Variants in PTPRM observed in about 807,000 individuals in gnomAD.
PTPRM encodes the protein protein tyrosine phosphatase receptor type M.
PTPRM carries 47 observed loss-of-function variants against 186.7 expected under a neutral mutation model. The ratio of observed to expected loss-of-function variants is 0.25; its 90% CI spans 0.20 to 0.32. The LOEUF is 0.32. Among genes scored for constraint, PTPRM ranks in the 10% least tolerant of loss-of-function variants. PTPRM has a pLI of 1.00. For synonymous variants in PTPRM, 668 were observed against 674.9 expected, an observed-to-expected ratio of 0.99 and a Z score of 0.16; for missense variants, 1,494 against 1,865.0, an observed-to-expected ratio of 0.80 and a Z score of 3.66.
chr18:7,613,276 C>A (rs1241863478), intron 1 of PTPRM, among the ~76,000 whole-genome samples: 1 of 152,204 alleles, frequency 6.6e-6, no homozygotes, highest in African/African-American at 2.4e-5. Flanking sequence ...TCTCTTCTCT[C>A]AGCTACTCCA....
At chr18:7,866,285 TC>T (rs1226673947) in intron 2 of PTPRM, among the ~76,000 whole-genome samples, 1 of 152,228 alleles carries the variant, frequency 6.6e-6, no homozygotes, top group Admixed American at 6.5e-5. Context: ...CGTTAGAGTG[TC>T]CACTTTGGAT....
At chr18:7,719,391 C>G (rs598136) in intron 1 of PTPRM, among the ~76,000 whole-genome samples, 95,475 of 150,336 alleles carry the variant, frequency 0.64, 32,216 homozygotes, top group East Asian at 0.99. Context: ...GGAGGGATGG[C>G]TGGGAGGGTG....
intron 1 of PTPRM, among the ~76,000 whole-genome samples, chr18:7,630,877 A>G (rs2038174702): frequency 6.6e-6 from 1 of 152,070 alleles, no homozygotes; most frequent in Non-Finnish European, 1.5e-5. Context: ...ATGAAGGGGG[A>G]TGGTTGCAGG....
chr18:7,830,245 G>T (rs913241002), intron 2 of PTPRM, among the ~76,000 whole-genome samples: 1 of 152,070 alleles, frequency 6.6e-6, no homozygotes, highest in African/African-American at 2.4e-5. Flanking sequence ...GGAGGAGTGG[G>T]ACACTCCTCA....
intron 23 of PTPRM, 142 bp downstream of exon 23, chr18:8,343,662 ACTTG>A: frequency 1.6e-6 from 1 of 628,956 alleles, no homozygotes; most frequent in East Asian, 3.0e-5. Context: ...TGCTTGCTGC[ACTTG>A]CTTATAAATT....
chr18:7,772,780 C>T (rs747141385), intron 1 of PTPRM, among the ~76,000 whole-genome samples: 9 of 152,064 alleles, frequency 5.9e-5, no homozygotes, highest in Non-Finnish European at 1.2e-4. Context: ...GCCAACAGGA[C>T]ACACATTGTG....
intron 1 of PTPRM, among the ~76,000 whole-genome samples, chr18:7,643,416 T>A (rs2038490462): frequency 6.6e-6 from 1 of 152,194 alleles, no homozygotes; most frequent in South Asian, 2.1e-4. Context: ...CTTGGCTTAC[T>A]GCAAGCTCCC....
intron 7 of PTPRM, among the ~76,000 whole-genome samples, chr18:8,012,247 G>C (rs1237717970): frequency 1.3e-5 from 2 of 152,178 alleles, no homozygotes; most frequent in African/African-American, 4.8e-5. Context: ...TTGGGAAATA[G>C]TACATCTGCT....
intron 13 of PTPRM, among the ~76,000 whole-genome samples, chr18:8,140,611 C>T (rs1174681933): frequency 6.6e-6 from 1 of 151,964 alleles, no homozygotes; most frequent in East Asian, 1.9e-4. Flanking sequence ...GGATTATGCT[C>T]TATGATTTTA....
At chr18:7,683,273 C>G (rs533028938) in intron 1 of PTPRM, among the ~76,000 whole-genome samples, 2 of 151,402 alleles carry the variant, frequency 1.3e-5, no homozygotes, top group East Asian at 2.0e-4. Context: ...TCAAGCCATC[C>G]ATCCTCCCTC....
chr18:8,035,130 A>T (rs2086237300), intron 7 of PTPRM, among the ~76,000 whole-genome samples: 1 of 152,200 alleles, frequency 6.6e-6, no homozygotes, highest in South Asian at 2.1e-4. Context: ...GATAGCCGAG[A>T]ATCTTCCAAA....
intron 1 of PTPRM, among the ~76,000 whole-genome samples, chr18:7,710,754 G>A (rs867102303): frequency 7.9e-5 from 12 of 152,116 alleles, no homozygotes; most frequent in Admixed American, 3.9e-4. Context: ...TAGCAACAAT[G>A]ATCAAGCTGA....
chr18:7,695,039 A>G (rs1188411403), intron 1 of PTPRM, among the ~76,000 whole-genome samples: 1 of 152,130 alleles, frequency 6.6e-6, no homozygotes, highest in Non-Finnish European at 1.5e-5. Flanking sequence ...CCCATTTTGC[A>G]GATGAGGAAA....
intron 2 of PTPRM, among the ~76,000 whole-genome samples, chr18:7,856,168 G>T (rs1389574630): frequency 1.3e-5 from 2 of 151,830 alleles, no homozygotes; most frequent in South Asian, 4.2e-4. Flanking sequence ...TATTTTCCAT[G>T]GGAATGGAAG....
At chr18:7,617,101 T>G (rs961079690) in intron 1 of PTPRM, among the ~76,000 whole-genome samples, 1 of 152,154 alleles carries the variant, frequency 6.6e-6, no homozygotes, top group African/African-American at 2.4e-5. Flanking sequence ...CTCTTTCCAG[T>G]AGAGAATAAT....
At chr18:8,152,131 C>T (rs2017321) in intron 14 of PTPRM, among the ~76,000 whole-genome samples, 4,560 of 152,206 alleles carry the variant, frequency 0.03, 235 homozygotes, top group African/African-American at 0.11. Flanking sequence ...CAGCTTTGCA[C>T]ATTTTAAGTT....
intron 19 of PTPRM, among the ~76,000 whole-genome samples, chr18:8,275,086 A>C (rs1298896619): frequency 1.3e-5 from 2 of 152,340 alleles, no homozygotes; most frequent in Non-Finnish European, 2.9e-5. Flanking sequence ...ATAAAAATCA[A>C]AGCATCCCTG....
rs143145854 is a variant in PTPRM, at chr18:8,210,917, A to G, written c.2301-33141A>G. Reference sequence around the variant, plus strand: ...GTGTTCTAAGGAGAAAGGAACATTCATCTTGACCAAATGCTACTGGCAGGA... The same window carrying G: ...GTGTTCTAAGGAGAAAGGAACATTCGTCTTGACCAAATGCTACTGGCAGGA... On this transcript the variant is annotated intron_variant, in intron 14 of 32. Transcript: ENST00000580170. Among the ~76,000 whole-genome samples the G allele has an allele frequency of 1.4e-3, 219 of 152,350 alleles. 1 individual carries two copies. Among genetic ancestry groups the G allele is most frequent in the African/African-American group, 5.0e-3 (210 of 41,588 alleles).
At chr18:8,237,431 ATT>A (rs59073560) in intron 14 of PTPRM, among the ~76,000 whole-genome samples, 41 of 71,666 alleles carry the variant, frequency 5.7e-4, no homozygotes, top group Non-Finnish European at 7.7e-4. Flanking sequence ...GATTCCCTCA[ATT>A]TTTTTTTTTT....
Sources: allele counts gnomAD v4.1 joint callset (sites outside exome capture counted in the v4.1 genomes callset), GRCh38; gene constraint gnomAD v4.1.1; transcripts MANE v1.5; gene names NCBI Gene and HGNC (gene_info 2026-07-23, HGNC 2026-07-21).